The following CAMTA1 variants were observed in gnomAD, a reference collection of about 807,000 sequenced individuals.
The protein encoded by CAMTA1 is calmodulin binding transcription activator 1.
In CAMTA1, 27 loss-of-function variants were observed where a neutral mutation model predicts 170.9. The ratio of observed to expected loss-of-function variants is 0.16; its 90% CI spans 0.12 to 0.22. The LOEUF (loss-of-function observed/expected upper bound fraction) is 0.22. Ranked by LOEUF, CAMTA1 falls within the 10% of genes least tolerant of loss-of-function variation. CAMTA1 has a pLI of 1.00. For missense variants in CAMTA1, 1,619 were observed against 2,217.2 expected (o/e 0.73, Z 5.42); for synonymous variants, 833 against 891.5 (o/e 0.93, Z 1.17).
intron 6 of CAMTA1, among the ~76,000 whole-genome samples, chr1:7,626,570 T>A (rs2095635103): frequency 6.6e-6 from 1 of 152,220 alleles, no homozygotes. Context: ...CAACCAGCTC[T>A]GCTTTTCTGC....
At chr1:7,309,656 A>C (rs1021517811) in intron 5 of CAMTA1, among the ~76,000 whole-genome samples, 1 of 151,828 alleles carries the variant, frequency 6.6e-6, no homozygotes, top group African/African-American at 2.4e-5. Context: ...GCCGCCTTTT[A>C]TGTTATTTGA....
chr1:6,787,768 A>G (rs1639837609), intron 1 of CAMTA1, among the ~76,000 whole-genome samples: 2 of 152,250 alleles, frequency 1.3e-5, no homozygotes, highest in Non-Finnish European at 2.9e-5. Flanking sequence ...CGAAGCGTAC[A>G]GTGCCTGCCC....
At chr1:7,656,393 G>A (rs1444294089) in intron 7 of CAMTA1, among the ~76,000 whole-genome samples, 5 of 152,190 alleles carry the variant, frequency 3.3e-5, no homozygotes, top group Non-Finnish European at 7.3e-5. Flanking sequence ...GGCACTCCTG[G>A]TGTCTCCTCC....
chr1:6,909,055 A>T (rs999191504), intron 3 of CAMTA1, among the ~76,000 whole-genome samples: 2 of 152,148 alleles, frequency 1.3e-5, no homozygotes, highest in Non-Finnish European at 1.5e-5. Context: ...CCTTTTAAAA[A>T]TTTTTTTCCA....
At chr1:7,758,047 C>G (rs2096943946) in intron 22 of CAMTA1, among the ~76,000 whole-genome samples, 2 of 151,586 alleles carry the variant, frequency 1.3e-5, no homozygotes, top group Admixed American at 1.3e-4. Flanking sequence ...TATAGATAAT[C>G]TTTCTTTCCA....
Position 7,443,404 on chromosome 1 carries a change from AGAT to A in CAMTA1, c.439-24419_439-24417del, listed in dbSNP as rs1359083578. On this transcript the variant is annotated intron_variant, in intron 5 of 22. Coordinates refer to ENST00000303635, the MANE Select transcript of CAMTA1 (RefSeq NM_015215.4). This position sits in a 1 kb window ranked among gnomAD's most constrained non-coding sequence, Gnocchi z 4.1. ...TCAAGGTGGCCTTGGGAGCACGTGG[AGAT>A]GATGATAGCCATGTCAGACGACAGC... Among the ~76,000 whole-genome samples the A allele has an allele frequency of 2.0e-5, 3 of 152,324 alleles. No homozygotes were observed. The highest frequency in any genetic ancestry group is 2.1e-4 in the South Asian group (1 of 4,822).
At chr1:7,438,159 A>G (rs1429916246) in intron 5 of CAMTA1, among the ~76,000 whole-genome samples, 1 of 152,072 alleles carries the variant, frequency 6.6e-6, no homozygotes, top group African/African-American at 2.4e-5. Context: ...CAGAGATGCC[A>G]GCTCTCACCC....
At chr1:7,152,341 C>T (rs890057492) in intron 4 of CAMTA1, among the ~76,000 whole-genome samples, 5 of 152,200 alleles carry the variant, frequency 3.3e-5, no homozygotes, top group Non-Finnish European at 7.3e-5. Flanking sequence ...AAAGCTCCCC[C>T]TTCCATATAA....
At chr1:6,858,493 G>GT (rs1557709929) in intron 3 of CAMTA1, among the ~76,000 whole-genome samples, 3 of 145,390 alleles carry the variant, frequency 2.1e-5, no homozygotes, top group Non-Finnish European at 3.0e-5. Context: ...TGTTGGGGGG[G>GT]GGGTGTTGTG....
intron 3 of CAMTA1, among the ~76,000 whole-genome samples, chr1:7,015,468 C>CAGCCTGCCT (rs1165438610): frequency 1.6e-4 from 24 of 152,166 alleles, no homozygotes; most frequent in Non-Finnish European, 3.1e-4. Flanking sequence ...TTAGCCTGCC[C>CAGCCTGCCT]AGCCTGCCTC....
In CAMTA1 at chr1:7,050,398, T is replaced by C. The variant is rs886751835; in HGVS notation, c.235-40906T>C. On this transcript the variant is annotated intron_variant, in intron 3 of 22. Coordinates refer to ENST00000303635, the MANE Select transcript of CAMTA1 (RefSeq NM_015215.4). This position sits in a 1 kb window ranked among gnomAD's most constrained non-coding sequence, Gnocchi z 4.8. ...GCGGAGAAGCCTGAAGCTGAGTCCCTGGGGTGCAGGGCCCACACTCTGGCT... is the reference window on the plus strand; with the variant it reads ...GCGGAGAAGCCTGAAGCTGAGTCCCCGGGGTGCAGGGCCCACACTCTGGCT... 9.9e-5 allele frequency among the ~76,000 whole-genome samples: 15 copies of C among 152,054 alleles called. No individual in the cohort carries two copies. Among genetic ancestry groups the C allele is most frequent in the Non-Finnish European group, 1.0e-4 (7 of 68,002 alleles).
At chr1:6,952,969 T>C (rs1688768836) in intron 3 of CAMTA1, among the ~76,000 whole-genome samples, 1 of 152,214 alleles carries the variant, frequency 6.6e-6, no homozygotes, top group South Asian at 2.1e-4. Context: ...GACACTGGGT[T>C]CTGTTTCCTT....
intron 4 of CAMTA1, among the ~76,000 whole-genome samples, chr1:7,136,176 C>T (rs1645533271): frequency 6.6e-6 from 1 of 152,312 alleles, no homozygotes; most frequent in South Asian, 2.1e-4. Context: ...CAGACAGCTC[C>T]TCTTCCTCCT....
At chr1:7,525,066 A>T (rs1451055272) in intron 6 of CAMTA1, among the ~76,000 whole-genome samples, 1 of 151,198 alleles carries the variant, frequency 6.6e-6, no homozygotes, top group East Asian at 2.0e-4. Context: ...CCCAAACTCC[A>T]CCCGCCCCCG....
intron 4 of CAMTA1, among the ~76,000 whole-genome samples, chr1:7,244,562 T>C (rs1376568899): frequency 1.3e-5 from 2 of 152,112 alleles, no homozygotes; most frequent in Non-Finnish European, 2.9e-5. Context: ...TATGCAGCCA[T>C]AAAAAATGAT....
chr1:7,726,541 T>A (rs1433980101), intron 11 of CAMTA1, among the ~76,000 whole-genome samples: 2 of 152,250 alleles, frequency 1.3e-5, no homozygotes, highest in Non-Finnish European at 2.9e-5. Flanking sequence ...AAATGTTATG[T>A]AAATTTTTAT....
chr1:7,508,908 A>C (rs565168261), intron 6 of CAMTA1, among the ~76,000 whole-genome samples: 1 of 152,146 alleles, frequency 6.6e-6, no homozygotes, highest in Non-Finnish European at 1.5e-5. Flanking sequence ...TCACTCAGCT[A>C]ATGAGGAAGA....
intron 5 of CAMTA1, among the ~76,000 whole-genome samples, chr1:7,404,969 T>A (rs1422579201): frequency 2.0e-5 from 3 of 152,194 alleles, no homozygotes; most frequent in Non-Finnish European, 4.4e-5. Flanking sequence ...TTTTTTAGTA[T>A]AACAATGACT....
chr1:7,636,736 G>C (rs1414675864), intron 6 of CAMTA1, among the ~76,000 whole-genome samples: 6 of 151,758 alleles, frequency 4.0e-5, no homozygotes, highest in Non-Finnish European at 7.4e-5. Context: ...AGGCTTCCCT[G>C]CCCTTTGTGG....
Sources: gnomAD v4.1 joint callset for allele counts (sites outside exome capture counted in the v4.1 genomes callset) on GRCh38, gnomAD v4.1.1 for gene constraint, Gnocchi (gnomAD v3.1) non-coding constraint, MANE v1.5 for transcripts, NCBI Gene and HGNC (gene_info 2026-07-23, HGNC 2026-07-21) for gene names.